The following SLC35F1 variants were observed in gnomAD, a reference collection of about 807,000 sequenced individuals.
SLC35F1 encodes chromosome 6 open reading frame 169.
In SLC35F1, 14 loss-of-function variants were observed where a neutral mutation model predicts 48.7. The observed-to-expected ratio is 0.29, with a 90% CI of 0.19 to 0.45. The LOEUF is 0.45. Among genes scored for constraint, SLC35F1 ranks in the 20% least tolerant of loss-of-function variants. The probability of loss-of-function intolerance (pLI) is 1.00; values close to 1 mark genes in which losing one functional copy is unlikely to be tolerated. For missense variants in SLC35F1, 404 were observed against 500.0 expected (o/e 0.81, Z 1.83); for synonymous variants, 190 against 202.2 (o/e 0.94, Z 0.51).
intron 1 of SLC35F1, among the ~76,000 whole-genome samples, chr6:118,023,745 T>A (rs1416457954): frequency 6.6e-6 from 1 of 152,216 alleles, no homozygotes; most frequent in Non-Finnish European, 1.5e-5. Flanking sequence ...AAGCACAGTA[T>A]TCCTAAAATC....
intron 7 of SLC35F1, among the ~76,000 whole-genome samples, chr6:118,292,689 T>G (rs1264037159): frequency 3.4e-3 from 64 of 18,724 alleles, no homozygotes; most frequent in African/African-American, 0.023. Context: ...ATTTGGTTGT[T>G]TTTTTTTTTT....
At chr6:118,002,155 T>A (rs1280662040) in intron 1 of SLC35F1, among the ~76,000 whole-genome samples, 4 of 150,998 alleles carry the variant, frequency 2.6e-5, no homozygotes, top group Non-Finnish European at 4.4e-5. Context: ...TGCACACGTA[T>A]GTTTATTGCG....
intron 1 of SLC35F1, among the ~76,000 whole-genome samples, chr6:118,085,889 T>A (rs1225894143): frequency 6.6e-6 from 1 of 152,160 alleles, no homozygotes; most frequent in East Asian, 1.9e-4. Context: ...TACAGTTCTA[T>A]GTATTTTTTC....
At chr6:118,144,137 C>A (rs929170256) in intron 1 of SLC35F1, among the ~76,000 whole-genome samples, 1 of 152,070 alleles carries the variant, frequency 6.6e-6, no homozygotes, top group Non-Finnish European at 1.5e-5. Flanking sequence ...TACATTCATG[C>A]GTATGTTCAG....
At chr6:118,130,346 G>A (rs1301184359) in intron 1 of SLC35F1, among the ~76,000 whole-genome samples, 3 of 152,128 alleles carry the variant, frequency 2.0e-5, no homozygotes, top group Non-Finnish European at 4.4e-5. Context: ...ATCTGCAAAA[G>A]TGAAGATAGT....
At chr6:118,013,039 A>G (rs1318732438) in intron 1 of SLC35F1, among the ~76,000 whole-genome samples, 2 of 152,114 alleles carry the variant, frequency 1.3e-5, no homozygotes, top group African/African-American at 4.8e-5. Flanking sequence ...GCACTTAAAT[A>G]TTAATAGCAT....
chr6:118,231,369 A>G (rs919598230), intron 2 of SLC35F1, among the ~76,000 whole-genome samples: 6 of 152,160 alleles, frequency 3.9e-5, no homozygotes, highest in Non-Finnish European at 5.9e-5. Context: ...GGTGTTTCTT[A>G]TAGATGGCCC....
intron 2 of SLC35F1, among the ~76,000 whole-genome samples, chr6:118,191,413 A>G (rs1204174901): frequency 2.0e-5 from 3 of 152,216 alleles, no homozygotes; most frequent in Admixed American, 2.0e-4. Flanking sequence ...TAAGAGTCTC[A>G]TGATTGTAGA....
intron 3 of SLC35F1, among the ~76,000 whole-genome samples, chr6:118,253,773 G>A (rs910037264): frequency 2.6e-5 from 4 of 152,002 alleles, no homozygotes; most frequent in Non-Finnish European, 5.9e-5. Flanking sequence ...AAGCGGCCAG[G>A]CAATTTAGCC....
At chr6:118,008,315 A>G (rs564180487) in intron 1 of SLC35F1, among the ~76,000 whole-genome samples, 1 of 152,136 alleles carries the variant, frequency 6.6e-6, no homozygotes, top group South Asian at 2.1e-4. Context: ...CATTGTATTT[A>G]TAGGCTCCAC....
chr6:118,191,090 G>T (rs1215543624), intron 2 of SLC35F1, among the ~76,000 whole-genome samples: 1 of 152,100 alleles, frequency 6.6e-6, no homozygotes, highest in Admixed American at 6.5e-5. Context: ...AAAACACGAT[G>T]CCCTTCTAGA....
intron 1 of SLC35F1, among the ~76,000 whole-genome samples, chr6:118,066,773 T>A (rs1582646880): frequency 7.1e-6 from 1 of 140,190 alleles, no homozygotes; most frequent in Non-Finnish European, 1.5e-5. Context: ...TGAGACAGAG[T>A]CTCGCTCTGT....
intron 1 of SLC35F1, among the ~76,000 whole-genome samples, chr6:118,028,402 G>A (rs1302880910): frequency 6.6e-6 from 1 of 152,102 alleles, no homozygotes; most frequent in African/African-American, 2.4e-5. Context: ...GGGCTATGTG[G>A]AAAACTGGAG....
intron 1 of SLC35F1, among the ~76,000 whole-genome samples, chr6:118,012,914 TG>T (rs1777268704): frequency 7.5e-6 from 1 of 133,958 alleles, no homozygotes; most frequent in Non-Finnish European, 1.7e-5. Context: ...TGGATAGATG[TG>T]ATTTTTTTTT....
At chr6:117,923,619 GTA>G (rs72262523) in intron 1 of SLC35F1, among the ~76,000 whole-genome samples, 2 of 18,058 alleles carry the variant, frequency 1.1e-4, no homozygotes, top group Non-Finnish European at 3.2e-4. Flanking sequence ...ATATACATAT[GTA>G]TATATACATA....
At chr6:118,089,854 C>A (rs144705725) in intron 1 of SLC35F1, among the ~76,000 whole-genome samples, 11 of 152,322 alleles carry the variant, frequency 7.2e-5, no homozygotes, top group Non-Finnish European at 1.3e-4. Context: ...GAATGAAAGT[C>A]TTTCTTCCAT....
intron 4 of SLC35F1, among the ~76,000 whole-genome samples, chr6:118,268,227 G>T (rs1050126018): frequency 6.6e-6 from 1 of 152,114 alleles, no homozygotes; most frequent in Non-Finnish European, 1.5e-5. Flanking sequence ...ACAAAGCAGA[G>T]ACTGGAACAC....
At chr6:117,957,511 C>T (rs1776442193) in intron 1 of SLC35F1, among the ~76,000 whole-genome samples, 1 of 152,112 alleles carries the variant, frequency 6.6e-6, no homozygotes, top group Non-Finnish European at 1.5e-5. Flanking sequence ...TCATACAGTC[C>T]ATTGTTCCTT....
chr6:118,011,867 T>A (rs939877713), intron 1 of SLC35F1, among the ~76,000 whole-genome samples: 3 of 152,142 alleles, frequency 2.0e-5, no homozygotes, highest in Non-Finnish European at 4.4e-5. Flanking sequence ...AGCCTAATAT[T>A]GAGACAGAAG....
Sources: gnomAD v4.1 joint callset for allele counts (sites outside exome capture counted in the v4.1 genomes callset) on GRCh38, gnomAD v4.1.1 for gene constraint, MANE v1.5 for transcripts, NCBI Gene and HGNC (gene_info 2026-07-23, HGNC 2026-07-21) for gene names.